NRXN3: variants seen among roughly 807,000 people sequenced by gnomAD.
The protein encoded by NRXN3 is neurexin 3, also known as neurexin III.
Under a neutral mutation model 137.6 loss-of-function variants are expected in NRXN3, and 32 were observed. That is an observed-to-expected ratio of 0.23 (90% CI 0.18 to 0.31). The LOEUF (loss-of-function observed/expected upper bound fraction) is 0.31, where lower values mean the gene tolerates loss of function less well. Ranked by LOEUF, NRXN3 falls within the 10% of genes least tolerant of loss-of-function variation. The pLI is 1.00. For synonymous variants in NRXN3, 798 were observed against 784.5 expected, an observed-to-expected ratio of 1.02 and a Z score of -0.29; for missense variants, 1,574 against 2,062.5, an observed-to-expected ratio of 0.76 and a Z score of 4.59.
chr14:78,570,000 A>C (rs904292764), intron 4 of NRXN3, among the ~76,000 whole-genome samples: 1 of 152,204 alleles, frequency 6.6e-6, no homozygotes, highest in African/African-American at 2.4e-5. Context: ...CCATTTCCAC[A>C]TGTGAAAATT....
At chr14:79,280,509 G>A (rs778582581) in intron 15 of NRXN3, 1 of 1,613,020 alleles carries the variant, frequency 6.2e-7, no homozygotes, top group African/African-American at 1.3e-5. Flanking sequence ...TCTATCTATC[G>A]TTCCCCTGTT....
intron 15 of NRXN3, among the ~76,000 whole-genome samples, chr14:79,040,910 C>A (rs1485720188): frequency 6.6e-6 from 1 of 152,126 alleles, no homozygotes; most frequent in African/African-American, 2.4e-5. Flanking sequence ...ACCTGTTTAG[C>A]CTTTCTTATC....
At chr14:78,436,041 T>C (rs1300901537) in intron 4 of NRXN3, among the ~76,000 whole-genome samples, 1 of 152,122 alleles carries the variant, frequency 6.6e-6, no homozygotes, top group African/African-American at 2.4e-5. Context: ...CTGCCAGAGT[T>C]TGTAGGCTTG....
At chr14:78,652,388 A>T (rs2097754037) in intron 6 of NRXN3, among the ~76,000 whole-genome samples, 2 of 152,224 alleles carry the variant, frequency 1.3e-5, no homozygotes, top group Non-Finnish European at 2.9e-5. Context: ...TCAACCTCTA[A>T]GGTCAATTGT....
rs1555499634 is a variant in NRXN3 at position 79,517,098 on chromosome 14, C to CT, written c.3444+49696_3444+49697insT. Among the ~76,000 whole-genome samples, 10 of 148,944 alleles carry CT rather than the reference C, an allele frequency of 6.7e-5. 2 individuals are homozygous for CT. In the South Asian group the frequency reaches 1.7e-3, roughly 26 times the overall value. On this transcript the variant is annotated intron_variant, in intron 16 of 20. Transcript: ENST00000335750. ...AGTATTACACAAATGTACAGCCCCC[C>CT]CCCCCTCAACGAATGGGAGCGCTTC...
intron 6 of NRXN3, among the ~76,000 whole-genome samples, chr14:78,687,323 G>A (rs2098133411): frequency 6.6e-6 from 1 of 152,222 alleles, no homozygotes; most frequent in South Asian, 2.1e-4. Context: ...GGAGTATGGT[G>A]TGTGCTAGAA....
chr14:79,037,979 A>G (rs2099618900), intron 15 of NRXN3, among the ~76,000 whole-genome samples: 1 of 152,076 alleles, frequency 6.6e-6, no homozygotes, highest in Non-Finnish European at 1.5e-5. Flanking sequence ...GATTGGGTTT[A>G]ATGATCCTGC....
chr14:79,775,426 A>G (rs538909645), intron 19 of NRXN3, among the ~76,000 whole-genome samples: 2 of 152,016 alleles, frequency 1.3e-5, no homozygotes, highest in Admixed American at 6.6e-5. Context: ...GGGTAGTAGG[A>G]TATGGATTGG....
chr14:78,670,840 T>C (rs1404538797), intron 6 of NRXN3, among the ~76,000 whole-genome samples: 1 of 152,142 alleles, frequency 6.6e-6, no homozygotes, highest in Admixed American at 6.6e-5. Flanking sequence ...GCAACATTAA[T>C]TGAATGTAGG....
intron 15 of NRXN3, among the ~76,000 whole-genome samples, chr14:79,338,827 A>G (rs554289822): frequency 6.6e-6 from 1 of 152,310 alleles, no homozygotes; most frequent in East Asian, 1.9e-4. Context: ...CTGGAGATCT[A>G]AGATAACTAT....
intron 10 of NRXN3, among the ~76,000 whole-genome samples, chr14:78,940,195 A>G (rs2099350348): frequency 6.6e-6 from 1 of 152,136 alleles, no homozygotes; most frequent in South Asian, 2.1e-4. Context: ...ATGCTCTCTT[A>G]ATCTCTATAC....
chr14:79,431,813 G>T (rs192535959), intron 15 of NRXN3, among the ~76,000 whole-genome samples: 39 of 152,068 alleles, frequency 2.6e-4, no homozygotes, highest in Admixed American at 2.6e-3. Context: ...TCTATTAATA[G>T]ACTTCTAATT....
intron 16 of NRXN3, among the ~76,000 whole-genome samples, chr14:79,504,639 T>TATATATATGTATATATGTATA (rs60009832): frequency 1.6e-4 from 15 of 93,392 alleles, no homozygotes; most frequent in African/African-American, 6.2e-4. Flanking sequence ...AAATGAAGTT[T>TATATATATGTATATATGTATA]TTTATATATA....
intron 4 of NRXN3, among the ~76,000 whole-genome samples, chr14:78,319,287 A>T (rs2079054676): frequency 6.6e-6 from 1 of 152,230 alleles, no homozygotes; most frequent in African/African-American, 2.4e-5. Flanking sequence ...GTGGGGCGTC[A>T]GTCTGCCTCT....
rs143646887 is a variant in NRXN3 at position 78,568,032 on chromosome 14, T to C, written c.758-77088T>C. On this transcript the variant is annotated intron_variant, in intron 4 of 20. Coordinates refer to ENST00000335750, the MANE Select transcript of NRXN3 (RefSeq NM_001330195.2). ...CAGTTTTATTTAGCATTGAAAGCCA[T>C]GGACAGAGGTTCTGAGGTTAAATTG... is the stretch of plus-strand genomic sequence containing the variant. 2.0e-5 allele frequency among the ~76,000 whole-genome samples: 3 copies of C among 152,278 alleles called. No homozygotes were observed. The East Asian group carries it at 5.8e-4, about 29-fold the overall frequency.
intron 15 of NRXN3, among the ~76,000 whole-genome samples, chr14:79,210,796 A>C (rs1012119496): frequency 3.3e-5 from 5 of 152,166 alleles, no homozygotes; most frequent in African/African-American, 4.8e-5. Flanking sequence ...AGTAGAAAAC[A>C]ATAGAGTCAC....
At chr14:79,811,625 A>G (rs1603579108) in intron 20 of NRXN3, among the ~76,000 whole-genome samples, 1 of 125,466 alleles carries the variant, frequency 8.0e-6, no homozygotes, top group South Asian at 2.5e-4. Flanking sequence ...TCTGTCGCCC[A>G]GGCTGGAGTG....
intron 20 of NRXN3, among the ~76,000 whole-genome samples, chr14:79,835,782 T>C (rs2099340123): frequency 6.6e-6 from 1 of 152,226 alleles, no homozygotes; most frequent in African/African-American, 2.4e-5. Flanking sequence ...TTTGGGATTC[T>C]GTGCAAGTAT....
intron 19 of NRXN3, among the ~76,000 whole-genome samples, chr14:79,764,407 C>T (rs1013294140): frequency 7.9e-5 from 12 of 152,046 alleles, no homozygotes; most frequent in Non-Finnish European, 1.2e-4. Flanking sequence ...TTTAATCATT[C>T]GGAGCAATAA....
Sources: allele counts gnomAD v4.1 joint callset (sites outside exome capture counted in the v4.1 genomes callset), GRCh38; gene constraint gnomAD v4.1.1; transcripts MANE v1.5; gene names NCBI Gene and HGNC (gene_info 2026-07-23, HGNC 2026-07-21).